LRCH2: variants seen among roughly 807,000 people sequenced by gnomAD.
The protein encoded by LRCH2 is leucine-rich repeat and calponin homology domain-containing protein 2.
In LRCH2, 38 loss-of-function variants were observed where a neutral mutation model predicts 68.9. The observed-to-expected ratio is 0.55, with a 90% CI of 0.43 to 0.72. The LOEUF (loss-of-function observed/expected upper bound fraction) is 0.72, where lower values mean the gene tolerates loss of function less well. Among genes scored for constraint, LRCH2 ranks in the 30% least tolerant of loss-of-function variants. The probability of loss-of-function intolerance (pLI) is 0.00; values close to 1 mark genes in which losing one functional copy is unlikely to be tolerated. For missense variants in LRCH2, 528 were observed against 572.9 expected, an observed-to-expected ratio of 0.92 and a Z score of 0.80; for synonymous variants, 191 against 208.1, an observed-to-expected ratio of 0.92 and a Z score of 0.71.
rs1477667272 is a variant in LRCH2, at chrX:115,161,934, T to TG, written c.1463+1741_1463+1742insC. Among the ~76,000 whole-genome samples the TG allele has an allele frequency of 8.6e-3, 884 of 102,253 alleles. 1 individual carries two copies. Among genetic ancestry groups the TG allele is most frequent in the Non-Finnish European group, 0.014 (701 of 50,028 alleles). The allele number at this position is 102,253 out of a possible 115,157, so 88.8% of individuals were successfully genotyped here. Reference sequence around the variant, plus strand: ...GAAAAATGGATAGGCCTGTCGGTTTTTTTTTTTTTTTTTTGAGATCTGTCA... The same window carrying TG: ...GAAAAATGGATAGGCCTGTCGGTTTTGTTTTTTTTTTTTTTGAGATCTGTCA... On this transcript the variant is annotated intron_variant, in intron 11 of 20. Transcript: ENST00000317135.
At chrX:115,196,951 A>C (rs1407689844) in intron 1 of LRCH2, among the ~76,000 whole-genome samples, 3 of 110,545 alleles carry the variant, frequency 2.7e-5, no homozygotes, top group African/African-American at 9.9e-5. Flanking sequence ...TACCATTACA[A>C]CCTGATGATG....
intron 1 of LRCH2, among the ~76,000 whole-genome samples, chrX:115,213,038 A>G (rs971679254): frequency 1.0e-4 from 11 of 109,538 alleles, no homozygotes; most frequent in African/African-American, 3.0e-4. Context: ...GGCTCAAGCA[A>G]TCCTCCTGCC....
At chrX:115,192,494 T>C in intron 1 of LRCH2, 1 of 1,170,325 alleles carries the variant, frequency 8.5e-7, no homozygotes, top group Non-Finnish European at 1.1e-6. Flanking sequence ...CGAGACCGGG[T>C]AGGCAGACCG....
In LRCH2 at chrX:115,173,572, C is replaced by G. The variant is rs185557586; in HGVS notation, c.865-3140G>C. Among the ~76,000 whole-genome samples the G allele has an allele frequency of 6.3e-5, 7 of 111,671 alleles. No homozygotes were observed. The East Asian group carries it at 1.7e-3, about 27-fold the overall frequency. On this transcript the variant is annotated intron_variant, in intron 5 of 20. Coordinates refer to ENST00000317135, the MANE Select transcript of LRCH2 (RefSeq NM_020871.4). ...GAACTTTTTACTGAAGCTATGCAAC[C>G]CCCCCAGCCTTCCAAGAAGGTTTGT...
chrX:115,125,520 T>C (rs1477786140), intron 16 of LRCH2, among the ~76,000 whole-genome samples: 1 of 188 alleles, frequency 5.3e-3, no homozygotes, highest in Non-Finnish European at 0.014. Flanking sequence ...TATATATATA[T>C]ATATATATAT....
At chrX:115,131,257 C>G (rs782703363) in intron 14 of LRCH2, among the ~76,000 whole-genome samples, 12 of 56,179 alleles carry the variant, frequency 2.1e-4, no homozygotes, top group East Asian at 1.4e-3. Flanking sequence ...CCCTCCCCCC[C>G]CCTCCACACC....
At chrX:115,210,677 G>A (rs782231772) in intron 1 of LRCH2, among the ~76,000 whole-genome samples, 10 of 111,032 alleles carry the variant, frequency 9.0e-5, no homozygotes, top group South Asian at 3.9e-4. Flanking sequence ...TAGATCCACC[G>A]ACAGCTTGCA....
At chrX:115,227,161 G>A (rs1311487018) in intron 1 of LRCH2, among the ~76,000 whole-genome samples, 3 of 110,367 alleles carry the variant, frequency 2.7e-5, no homozygotes, top group African/African-American at 9.9e-5. Context: ...TGGTGCTGCA[G>A]GACTATAGTC....
intron 1 of LRCH2, among the ~76,000 whole-genome samples, chrX:115,214,163 C>T (rs1260786647): frequency 8.9e-6 from 1 of 112,139 alleles, no homozygotes; most frequent in African/African-American, 3.2e-5. Context: ...AGCACAATTA[C>T]AGTATGTAAA....
At chrX:115,213,256 C>G (rs782077751) in intron 1 of LRCH2, among the ~76,000 whole-genome samples, 1 of 111,795 alleles carries the variant, frequency 8.9e-6, no homozygotes, top group Non-Finnish European at 1.9e-5. Flanking sequence ...TGAACAGTAC[C>G]ATTCCTTTTC....
intron 1 of LRCH2, among the ~76,000 whole-genome samples, chrX:115,225,015 C>G (rs1442465749): frequency 1.8e-5 from 2 of 111,964 alleles, no homozygotes; most frequent in African/African-American, 6.5e-5. Flanking sequence ...TAAATAGATT[C>G]TTCTAGGCCT....
intron 14 of LRCH2, among the ~76,000 whole-genome samples, chrX:115,137,156 G>C (rs1156819038): frequency 1.8e-5 from 2 of 111,374 alleles, no homozygotes; most frequent in Non-Finnish European, 3.8e-5. Context: ...TAAAGCCAGA[G>C]AATTATCCAA....
chrX:115,130,105 C>T, intron 15 of LRCH2, 50 bp downstream of exon 15: 1 of 757,983 alleles, frequency 1.3e-6, no homozygotes. Context: ...GAGCCAACTT[C>T]ATATGATAAG....
intron 11 of LRCH2, among the ~76,000 whole-genome samples, chrX:115,159,523 A>G (rs930504091): frequency 1.3e-4 from 14 of 109,879 alleles, no homozygotes; most frequent in Non-Finnish European, 2.7e-4. Flanking sequence ...AGGCCAAGGC[A>G]GGCGGATCAC....
At chrX:115,139,085 G>A (rs2072314248) in intron 14 of LRCH2, 1 of 111,990 alleles carries the variant, frequency 8.9e-6, no homozygotes, top group Admixed American at 9.5e-5. Context: ...GTGTAATTGT[G>A]AGCAATTCGT....
At chrX:115,200,635 T>TAA (rs781811048) in intron 1 of LRCH2, among the ~76,000 whole-genome samples, 238 of 97,678 alleles carry the variant, frequency 2.4e-3, no homozygotes, top group African/African-American at 8.1e-3. Flanking sequence ...GAATCAGTAG[T>TAA]AAAAAAAAAA....
intron 5 of LRCH2, among the ~76,000 whole-genome samples, chrX:115,176,103 C>A (rs1180961056): frequency 8.9e-6 from 1 of 111,836 alleles, no homozygotes; most frequent in Non-Finnish European, 1.9e-5. Flanking sequence ...TTTTGGTGAC[C>A]AGAAGTGAAG....
In LRCH2 at chrX:115,165,386, C is replaced by A; in HGVS notation, c.1355+19G>T. 1 of 1,065,812 alleles carries A rather than the reference C, an allele frequency of 9.4e-7. No homozygotes were observed. Among genetic ancestry groups the A allele is most frequent in the Non-Finnish European group, 1.3e-6 (1 of 793,054 alleles). 87.8% of individuals were successfully genotyped at this position (1,065,812 alleles called of 1,213,427 possible). ...GCTCAAGGGCTTATAAATAACATTT[C>A]ATTTTCATATGTGCTTACCTTTTTT... On this transcript the variant is annotated intron_variant, in intron 10 of 20. Coordinates refer to ENST00000317135, the MANE Select transcript of LRCH2 (RefSeq NM_020871.4).
At chrX:115,149,756 A>T in intron 14 of LRCH2, 71 bp downstream of exon 14, 1 of 647,173 alleles carries the variant, frequency 1.5e-6, no homozygotes, top group Non-Finnish European at 2.3e-6. Context: ...CTACCTTATT[A>T]ACTCAAAACA....
Sources: gnomAD v4.1 joint callset for allele counts (sites outside exome capture counted in the v4.1 genomes callset) on GRCh38, gnomAD v4.1.1 for gene constraint, MANE v1.5 for transcripts, NCBI Gene and HGNC (gene_info 2026-07-23, HGNC 2026-07-21) for gene names.